Variants in CHST9 observed in about 807,000 individuals in gnomAD.
CHST9 encodes GalNAc-4-sulfotransferase 2.
A neutral mutation model predicts 44.4 loss-of-function variants in CHST9; 41 were observed. That is an observed-to-expected ratio of 0.92 (90% confidence interval 0.72 to 1.20). The LOEUF (loss-of-function observed/expected upper bound fraction) is 1.20, where lower values mean the gene tolerates loss of function less well. Ranked by LOEUF, CHST9 falls within the 50% of genes most tolerant of loss-of-function variation. CHST9 has a pLI of 0.00. For missense variants in CHST9, 504 were observed against 516.5 expected, an observed-to-expected ratio of 0.98 and a Z score of 0.23; for synonymous variants, 171 against 178.4, an observed-to-expected ratio of 0.96 and a Z score of 0.33.
intron 1 of CHST9, among the ~76,000 whole-genome samples, chr18:27,162,712 T>A (rs541227932): frequency 1.3e-5 from 2 of 152,310 alleles, no homozygotes; most frequent in East Asian, 3.9e-4. Flanking sequence ...TAGCCATTTG[T>A]CTAATTTTTT....
rs766667916 is a variant in CHST9, at chr18:26,917,288, A to T, written c.303T>A (p.Ser101=). The T allele has an allele frequency of 6.2e-7, 1 of 1,613,456 alleles. No homozygotes were observed. Among genetic ancestry groups the T allele is most frequent in the Non-Finnish European group, 8.5e-7 (1 of 1,179,694 alleles). The change falls in exon 6 of 6, where the codon TCT becomes TCA. Residue 101 remains serine (S), a synonymous_variant. Transcript: ENST00000618847. The part of the protein sequence containing the change: ...REKKENLLLN[S]ERSTRLLTKT... ...TTGTTAAGAGCCTAGTAGATCTCTCAGAATTGAGTAGAAGATTTTCCTTTT... is the reference window on the plus strand; with the variant it reads ...TTGTTAAGAGCCTAGTAGATCTCTCTGAATTGAGTAGAAGATTTTCCTTTT...
chr18:27,180,331 T>A (rs919816518), intron 1 of CHST9, among the ~76,000 whole-genome samples: 1 of 152,198 alleles, frequency 6.6e-6, no homozygotes, highest in Non-Finnish European at 1.5e-5. Context: ...TTTTATTTTA[T>A]TAGTTTTTAA....
At chr18:27,170,362 G>A (rs1413130610) in intron 1 of CHST9, among the ~76,000 whole-genome samples, 1 of 152,084 alleles carries the variant, frequency 6.6e-6, no homozygotes, top group Non-Finnish European at 1.5e-5. Context: ...TGACTTAATG[G>A]AGCAGAATTT....
At chr18:27,066,944 C>T (rs1232262942) in intron 2 of CHST9, among the ~76,000 whole-genome samples, 2 of 152,020 alleles carry the variant, frequency 1.3e-5, no homozygotes, top group African/African-American at 2.4e-5. Context: ...TAAGGCCTTA[C>T]GTTTCTGTGG....
intron 2 of CHST9, among the ~76,000 whole-genome samples, chr18:27,082,114 T>G (rs2057967001): frequency 6.6e-6 from 1 of 152,176 alleles, no homozygotes; most frequent in African/African-American, 2.4e-5. Flanking sequence ...AGAAACATAT[T>G]AAGTACAAAT....
At chr18:27,096,487 C>A (rs1295524559) in intron 2 of CHST9, among the ~76,000 whole-genome samples, 1 of 151,684 alleles carries the variant, frequency 6.6e-6, no homozygotes, top group Non-Finnish European at 1.5e-5. Flanking sequence ...ATCAATGAAA[C>A]CAAAAGTTGG....
At chr18:27,110,882 T>C (rs1180885920) in intron 2 of CHST9, among the ~76,000 whole-genome samples, 3 of 152,192 alleles carry the variant, frequency 2.0e-5, no homozygotes, top group African/African-American at 4.8e-5. Flanking sequence ...GAAATGCAAC[T>C]TCTCAGGCTG....
intron 4 of CHST9, among the ~76,000 whole-genome samples, chr18:27,000,627 T>TCTACCTAC (rs542016209): frequency 6.3e-5 from 9 of 143,844 alleles, no homozygotes; most frequent in African/African-American, 2.3e-4. Context: ...GTTTTGTCTA[T>TCTACCTAC]CTATCTATCT....
intron 2 of CHST9, among the ~76,000 whole-genome samples, chr18:27,072,210 C>G (rs971612189): frequency 2.6e-5 from 4 of 152,172 alleles, no homozygotes; most frequent in African/African-American, 9.7e-5. Context: ...TTCAATGCAC[C>G]AGCCTCATTT....
intron 2 of CHST9, among the ~76,000 whole-genome samples, chr18:27,114,248 G>T (rs2143790665): frequency 6.6e-6 from 1 of 152,292 alleles, no homozygotes; most frequent in South Asian, 2.1e-4. Flanking sequence ...AAAAAGAGTT[G>T]AAGTAACATC....
At chr18:27,099,030 A>C (rs906541095) in intron 2 of CHST9, among the ~76,000 whole-genome samples, 7 of 152,224 alleles carry the variant, frequency 4.6e-5, no homozygotes, top group Admixed American at 4.6e-4. Flanking sequence ...ATCAAGAAAT[A>C]AGGTTGCATG....
At chr18:27,006,391 TTTGA>T (rs1348106697) in intron 4 of CHST9, among the ~76,000 whole-genome samples, 2 of 152,224 alleles carry the variant, frequency 1.3e-5, no homozygotes, top group Non-Finnish European at 2.9e-5. Flanking sequence ...AAATAAGTAC[TTTGA>T]TTGTTCTGAA....
At chr18:27,094,489 A>T (rs1030263435) in intron 2 of CHST9, among the ~76,000 whole-genome samples, 6 of 152,232 alleles carry the variant, frequency 3.9e-5, no homozygotes, top group Non-Finnish European at 8.8e-5. Flanking sequence ...AGTTTTCATT[A>T]CCAAATTGTT....
At chr18:27,003,905 A>G (rs772270031) in intron 4 of CHST9, among the ~76,000 whole-genome samples, 1 of 151,934 alleles carries the variant, frequency 6.6e-6, no homozygotes, top group Non-Finnish European at 1.5e-5. Context: ...TTTTCTCCCC[A>G]TTTACTTGAT....
At chr18:27,033,807 G>C (rs2057364464) in intron 3 of CHST9, among the ~76,000 whole-genome samples, 1 of 152,096 alleles carries the variant, frequency 6.6e-6, no homozygotes, top group Non-Finnish European at 1.5e-5. Flanking sequence ...GGTTTTCCAC[G>C]AGCACCAAAA....
chr18:26,932,441 GT>G (rs1048381619), intron 5 of CHST9, among the ~76,000 whole-genome samples: 1 of 151,540 alleles, frequency 6.6e-6, no homozygotes, highest in Non-Finnish European at 1.5e-5. Context: ...CATCAATGTT[GT>G]TTTTTTTCAA....
At chr18:27,070,052 A>T (rs575428426) in intron 2 of CHST9, among the ~76,000 whole-genome samples, 3 of 152,336 alleles carry the variant, frequency 2.0e-5, no homozygotes, top group South Asian at 4.1e-4. Context: ...ATCACCCTCT[A>T]TGCCACTGTT....
intron 2 of CHST9, among the ~76,000 whole-genome samples, chr18:27,053,063 A>C (rs1001143213): frequency 2.0e-5 from 3 of 150,392 alleles, no homozygotes; most frequent in Admixed American, 6.7e-5. Flanking sequence ...TGTTCAGCAC[A>C]TGTATCCCAG....
chr18:27,031,897 GGCATGAGCA>G, intron 3 of CHST9, among the ~76,000 whole-genome samples: 1 of 152,312 alleles, frequency 6.6e-6, no homozygotes, highest in African/African-American at 2.4e-5. Flanking sequence ...CAACGGCACA[GGCATGAGCA>G]GCATGCCAGG....
Sources: allele counts gnomAD v4.1 joint callset (sites outside exome capture counted in the v4.1 genomes callset), GRCh38; gene constraint gnomAD v4.1.1; transcripts MANE v1.5; gene names NCBI Gene and HGNC (gene_info 2026-07-23, HGNC 2026-07-21).